CHLSN: variants seen among roughly 807,000 people sequenced by gnomAD.
CHLSN encodes protein cholesin.
the CHLSN span, among the ~76,000 whole-genome samples, chr7:1,083,638 CAAA>C: frequency 2.1e-5 from 3 of 145,466 alleles, no homozygotes; most frequent in African/African-American, 7.9e-5. Context: ...AAAAAAAAAA[CAAA>C]AAAAACAAAA....
the CHLSN span, among the ~76,000 whole-genome samples, chr7:1,052,864 C>A: frequency 6.6e-6 from 1 of 152,162 alleles, no homozygotes; most frequent in Admixed American, 6.5e-5. This position sits in a 1 kb window ranked among gnomAD's most constrained non-coding sequence, Gnocchi z 4.2. Context: ...CTCCTGCCTT[C>A]TGAGGGAGCC....
the CHLSN span, among the ~76,000 whole-genome samples, chr7:1,040,182 TTAA>T: frequency 0.017 from 1,655 of 96,082 alleles, 62 homozygotes; most frequent in African/African-American, 0.051. Context: ...AAAAATAAAT[TTAA>T]AAAAAAAAAA....
chr7:1,055,204 G>T, the CHLSN span: 3 of 469,448 alleles, frequency 6.4e-6, no homozygotes, highest in Non-Finnish European at 1.3e-5. Context: ...TCTGGAACCC[G>T]GCTGTAAACA....
the CHLSN span, among the ~76,000 whole-genome samples, chr7:1,038,362 G>A: frequency 1.1e-5 from 1 of 94,080 alleles, no homozygotes; most frequent in African/African-American, 4.2e-5. Flanking sequence ...GGGTGCCTCT[G>A]CCCGGCCGCC....
At chr7:1,020,803 G>GC in the CHLSN span, among the ~76,000 whole-genome samples, 3 of 152,178 alleles carry the variant, frequency 2.0e-5, no homozygotes, top group Admixed American at 6.5e-5. Flanking sequence ...GCTCCTCTGG[G>GC]CTCCCCAGGC....
the CHLSN span, among the ~76,000 whole-genome samples, chr7:1,076,707 C>T: frequency 1.3e-5 from 2 of 152,356 alleles, no homozygotes; most frequent in South Asian, 4.1e-4. Flanking sequence ...CTTGGCAGGG[C>T]TCTCTCCCTT....
At chr7:985,073 T>C in the CHLSN span, 1 of 1,612,448 alleles carries the variant, frequency 6.2e-7, no homozygotes, top group Non-Finnish European at 8.5e-7. Flanking sequence ...CTGAAATGCC[T>C]CTCTGGGCAG....
the CHLSN span, among the ~76,000 whole-genome samples, chr7:991,184 C>T: frequency 6.6e-6 from 1 of 152,246 alleles, no homozygotes; most frequent in Admixed American, 6.5e-5. Flanking sequence ...ACATGAGGGA[C>T]ACCAAGTACA....
At chr7:1,019,118 C>T in the CHLSN span, among the ~76,000 whole-genome samples, 2 of 141,208 alleles carry the variant, frequency 1.4e-5, no homozygotes, top group South Asian at 4.5e-4. Context: ...CTTGAACCCG[C>T]GGGGGGCAGA....
the CHLSN span, among the ~76,000 whole-genome samples, chr7:1,020,334 G>T: frequency 3.9e-5 from 6 of 152,120 alleles, no homozygotes; most frequent in Non-Finnish European, 7.4e-5. Context: ...CGCCCAGCAC[G>T]CCCACCAAAG....
At chr7:994,937 C>G in the CHLSN span, among the ~76,000 whole-genome samples, 4 of 152,270 alleles carry the variant, frequency 2.6e-5, no homozygotes, top group African/African-American at 9.6e-5. Context: ...CTTGATCCGC[C>G]ACCTGGCTTG....
chr7:1,072,216 C>T, the CHLSN span, among the ~76,000 whole-genome samples: 1 of 152,206 alleles, frequency 6.6e-6, no homozygotes, highest in Non-Finnish European at 1.5e-5. Context: ...CCACGGTCAG[C>T]ACACACTGAC....
the CHLSN span, among the ~76,000 whole-genome samples, chr7:994,350 G>A: frequency 6.6e-6 from 1 of 151,862 alleles, no homozygotes; most frequent in South Asian, 2.1e-4. Context: ...TAGTAGAGAT[G>A]GGCTTTCACC....
the CHLSN span, chr7:983,376 CCT>C: frequency 6.6e-7 from 1 of 1,518,734 alleles, no homozygotes; most frequent in South Asian, 1.2e-5. Context: ...AGGACCGGTC[CCT>C]GATGGAGGTA....
the CHLSN span, among the ~76,000 whole-genome samples, chr7:1,119,286 C>A: frequency 1.3e-5 from 2 of 150,898 alleles, no homozygotes; most frequent in African/African-American, 4.9e-5. Context: ...AAAAACAAAT[C>A]AAAAACGTAA....
At chr7:1,077,632 AGCTG>A in the CHLSN span, 1 of 152,304 alleles carries the variant, frequency 6.6e-6, no homozygotes, top group Non-Finnish European at 1.5e-5. Context: ...TGCAGTACTA[AGCTG>A]GCTGCCTCCT....
At chr7:1,038,915 C>T in the CHLSN span, among the ~76,000 whole-genome samples, 4 of 66,840 alleles carry the variant, frequency 6.0e-5, no homozygotes, top group African/African-American at 2.5e-4. Context: ...CCAGCCGCCC[C>T]GTCTGGGAGG....
At chr7:993,355 T>C in the CHLSN span, among the ~76,000 whole-genome samples, 1 of 152,030 alleles carries the variant, frequency 6.6e-6, no homozygotes, top group African/African-American at 2.4e-5. Flanking sequence ...CGCCACCTGA[T>C]CTGTGCAGGG....
the CHLSN span, among the ~76,000 whole-genome samples, chr7:1,098,313 C>A: frequency 4.6e-5 from 7 of 152,348 alleles, 1 homozygote; most frequent in Admixed American, 2.0e-4. Flanking sequence ...TCCAAGCAAG[C>A]ATTTGTTCGT....
Sources: gnomAD v4.1 joint callset for allele counts (sites outside exome capture counted in the v4.1 genomes callset) on GRCh38, gnomAD v4.1.1 for gene constraint, Gnocchi (gnomAD v3.1) non-coding constraint, MANE v1.5 for transcripts, NCBI Gene and HGNC (gene_info 2026-07-23, HGNC 2026-07-21) for gene names.